AFG1L: variants seen among roughly 807,000 people sequenced by gnomAD.
AFG1L encodes AFG1-like ATPase.
Under a neutral mutation model 62.2 loss-of-function variants are expected in AFG1L, and 53 were observed. The observed-to-expected ratio is 0.85, with a 90% CI of 0.68 to 1.07. The LOEUF (loss-of-function observed/expected upper bound fraction) is 1.07, where lower values mean the gene tolerates loss of function less well. Among genes scored for constraint, AFG1L ranks in the 50% least tolerant of loss-of-function variants. AFG1L has a pLI of 0.00. For synonymous variants in AFG1L, 228 were observed against 210.3 expected (o/e 1.08, Z -0.73); for missense variants, 555 against 590.5 (o/e 0.94, Z 0.62).
At chr6:108,445,978 A>G (rs1771770151) in intron 7 of AFG1L, among the ~76,000 whole-genome samples, 1 of 151,912 alleles carries the variant, frequency 6.6e-6, no homozygotes, top group Admixed American at 6.6e-5. Context: ...CACTTTGTAA[A>G]AATTGCAATA....
At chr6:108,297,718 G>C (rs984127349) in intron 1 of AFG1L, among the ~76,000 whole-genome samples, 22 of 151,888 alleles carry the variant, frequency 1.4e-4, no homozygotes, top group African/African-American at 4.8e-4. Context: ...AGCCGGGTGT[G>C]GTGGTGCACG....
intron 1 of AFG1L, among the ~76,000 whole-genome samples, chr6:108,311,446 C>G (rs1554268254): frequency 6.6e-6 from 1 of 152,162 alleles, no homozygotes; most frequent in Non-Finnish European, 1.5e-5. Context: ...ATACCATACA[C>G]TTTATTAGAG....
chr6:108,449,238 TATAG>T lies in AFG1L; in HGVS notation c.890+1953_890+1956del, dbSNP rs547698983. ...ATATATACACAGACATATAGATATA[TATAG>T]ATAGATAGATGTCTATCTATTATCT... is the stretch of plus-strand genomic sequence containing the variant. On this transcript the variant is annotated intron_variant, in intron 8 of 12. Transcript: ENST00000368977. Among the ~76,000 whole-genome samples the T allele has an allele frequency of 5.3e-5, 8 of 152,020 alleles. No individual in the cohort carries two copies. In the South Asian group the frequency reaches 1.5e-3, roughly 28 times the overall value.
chr6:108,437,386 G>A (rs1158800980), intron 7 of AFG1L, among the ~76,000 whole-genome samples: 1 of 152,148 alleles, frequency 6.6e-6, no homozygotes, highest in Non-Finnish European at 1.5e-5. Context: ...CTGAGAGAGA[G>A]CGGGGAAATC....
Position 108,339,958 on chromosome 6 carries a change from C to T in AFG1L, c.364-7030C>T, listed in dbSNP as rs566147597. 2.0e-4 allele frequency among the ~76,000 whole-genome samples: 30 copies of T among 152,132 alleles called. No individual in the cohort carries two copies. In the South Asian group the frequency reaches 5.6e-3, roughly 28 times the overall value. Reference sequence around the variant, plus strand: ...AAAATCTACAATTATTGACTATAGTCATTCTGTTGTGCTATCAAATAGTAG... The same window carrying T: ...AAAATCTACAATTATTGACTATAGTTATTCTGTTGTGCTATCAAATAGTAG... On this transcript the variant is annotated intron_variant, in intron 2 of 12. Transcript: ENST00000368977.
At chr6:108,330,623 C>T (rs1298097485) in intron 2 of AFG1L, among the ~76,000 whole-genome samples, 9 of 152,144 alleles carry the variant, frequency 5.9e-5, no homozygotes, top group Admixed American at 5.9e-4. Flanking sequence ...ACAGCACAGT[C>T]TTCTTTCTCT....
At chr6:108,452,804 C>T (rs1204807009) in intron 8 of AFG1L, among the ~76,000 whole-genome samples, 1 of 152,002 alleles carries the variant, frequency 6.6e-6, no homozygotes, top group Non-Finnish European at 1.5e-5. Flanking sequence ...TTGCTGAGGG[C>T]CTAGATAATT....
intron 2 of AFG1L, among the ~76,000 whole-genome samples, chr6:108,335,265 C>CT (rs11381916): frequency 0.11 from 16,638 of 152,082 alleles, 2,586 homozygotes; most frequent in African/African-American, 0.34. Flanking sequence ...GCCACTGCCC[C>CT]GGCTGGTTTT....
At chr6:108,465,197 T>G (rs1425006482) in intron 8 of AFG1L, among the ~76,000 whole-genome samples, 1 of 152,216 alleles carries the variant, frequency 6.6e-6, no homozygotes, top group East Asian at 1.9e-4. Context: ...TGACATTATA[T>G]TCTTGTGGCC....
intron 7 of AFG1L, among the ~76,000 whole-genome samples, chr6:108,417,283 CACACA>C (rs900465677): frequency 1.6e-5 from 2 of 122,384 alleles, no homozygotes; most frequent in African/African-American, 6.4e-5. Context: ...CACACACACA[CACACA>C]AAAAAAAAAC....
intron 11 of AFG1L, among the ~76,000 whole-genome samples, chr6:108,513,609 G>T (rs1050210408): frequency 2.0e-5 from 3 of 152,158 alleles, no homozygotes; most frequent in African/African-American, 4.8e-5. Flanking sequence ...TAAACAAAGC[G>T]GCTGGGAAGC....
At chr6:108,465,902 T>A (rs1325832802) in intron 8 of AFG1L, among the ~76,000 whole-genome samples, 1 of 152,114 alleles carries the variant, frequency 6.6e-6, no homozygotes, top group Non-Finnish European at 1.5e-5. Context: ...TGACACTTTT[T>A]TAAAGTGTCA....
In AFG1L at chr6:108,522,391, A is replaced by AC; in HGVS notation, c.1412_1413insC (p.Gln471HisfsTer5). ...CGACTCACGGAAATGCAGACTGAAC[A>AC]GTACTGGAATGAAGGAGACAGAACC... On this transcript the variant is annotated frameshift_variant, in exon 13 of 13. Coordinates refer to ENST00000368977, the MANE Select transcript of AFG1L (RefSeq NM_145315.5). LOFTEE classifies it high-confidence loss of function. 6.2e-7 allele frequency: 1 copy of AC among 1,613,672 alleles called. No homozygotes were observed. Among genetic ancestry groups the AC allele is most frequent in the Non-Finnish European group, 8.5e-7 (1 of 1,179,644 alleles).
chr6:108,325,161 C>T (rs1337666935), intron 2 of AFG1L, among the ~76,000 whole-genome samples: 1 of 152,182 alleles, frequency 6.6e-6, no homozygotes, highest in Non-Finnish European at 1.5e-5. Context: ...CATGCATACC[C>T]CTTTCTCCTG....
intron 6 of AFG1L, chr6:108,387,904 T>TTTTA (rs1236737572): frequency 6.6e-6 from 1 of 152,068 alleles, no homozygotes; most frequent in Non-Finnish European, 1.5e-5. Flanking sequence ...GCTAGAATTT[T>TTTTA]TTTATTTATT....
intron 2 of AFG1L, among the ~76,000 whole-genome samples, chr6:108,337,781 G>A (rs1432028457): frequency 6.6e-6 from 1 of 152,094 alleles, no homozygotes; most frequent in South Asian, 2.1e-4. Context: ...AAAAAATTCC[G>A]AAGCTAAATA....
chr6:108,491,333 T>A (rs896896140), intron 10 of AFG1L, among the ~76,000 whole-genome samples: 1 of 152,202 alleles, frequency 6.6e-6, no homozygotes, highest in African/African-American at 2.4e-5. Context: ...TCAGAAGTGA[T>A]GATTTTTACT....
At chr6:108,493,348 C>A (rs1773842526) in intron 10 of AFG1L, among the ~76,000 whole-genome samples, 1 of 152,168 alleles carries the variant, frequency 6.6e-6, no homozygotes, top group South Asian at 2.1e-4. Context: ...TGTGTGAAGA[C>A]CCATTTCCTC....
At chr6:108,412,876 G>A (rs1263872384) in intron 7 of AFG1L, among the ~76,000 whole-genome samples, 1 of 152,100 alleles carries the variant, frequency 6.6e-6, no homozygotes, top group East Asian at 1.9e-4. Flanking sequence ...AAAATAACCA[G>A]CTAACATCAT....
Sources: allele counts gnomAD v4.1 joint callset (sites outside exome capture counted in the v4.1 genomes callset), GRCh38; gene constraint gnomAD v4.1.1; transcripts MANE v1.5; gene names NCBI Gene and HGNC (gene_info 2026-07-23, HGNC 2026-07-21).